DTNA: variants seen among roughly 807,000 people sequenced by gnomAD.
DTNA encodes the protein dystrobrevin alpha.
A neutral mutation model predicts 100.7 loss-of-function variants in DTNA; 43 were observed. The ratio of observed to expected loss-of-function variants is 0.43; its 90% CI spans 0.33 to 0.55. The LOEUF is 0.55. Among genes scored for constraint, DTNA ranks in the 20% least tolerant of loss-of-function variants. DTNA has a pLI of 0.04. For synonymous variants in DTNA, 349 were observed against 347.9 expected (o/e 1.00, Z -0.04); for missense variants, 798 against 953.9 (o/e 0.84, Z 2.15).
At chr18:34,838,953 T>G (rs2096212617) in intron 13 of DTNA, 116 bp downstream of exon 13, 2 of 815,934 alleles carry the variant, frequency 2.5e-6, no homozygotes, top group East Asian at 2.6e-5. Flanking sequence ...ACTGAAGCAC[T>G]GTTAACTGGT....
chr18:34,871,555 T>A (rs1340854573), intron 17 of DTNA, among the ~76,000 whole-genome samples: 1 of 152,218 alleles, frequency 6.6e-6, no homozygotes, highest in Non-Finnish European at 1.5e-5. Context: ...GATTATTCAC[T>A]CTAACTCTTC....
chr18:34,620,062 G>A (rs535743483), intron 1 of DTNA, among the ~76,000 whole-genome samples: 1 of 152,258 alleles, frequency 6.6e-6, no homozygotes, highest in East Asian at 1.9e-4. Flanking sequence ...GGTATTATAC[G>A]AAACAAACAA....
At chr18:34,829,603 G>A (rs2095951543) in intron 11 of DTNA, 114 bp downstream of exon 11, 4 of 1,095,628 alleles carry the variant, frequency 3.7e-6, no homozygotes, top group South Asian at 4.3e-5. Flanking sequence ...TGGAGATAGA[G>A]GTCTTCTGGG....
intron 1 of DTNA, among the ~76,000 whole-genome samples, chr18:34,543,700 G>A (rs763156568): frequency 1.3e-5 from 2 of 152,098 alleles, no homozygotes; most frequent in African/African-American, 4.8e-5. Flanking sequence ...TTCAGTCAGT[G>A]TACTGGGTTT....
intron 13 of DTNA, among the ~76,000 whole-genome samples, chr18:34,839,806 T>G (rs2096234379): frequency 6.6e-6 from 1 of 152,192 alleles, no homozygotes; most frequent in Non-Finnish European, 1.5e-5. Context: ...TTTCCTCTAC[T>G]ATTAGAGGAA....
At chr18:34,577,645 C>T (rs1050567936) in intron 1 of DTNA, among the ~76,000 whole-genome samples, 5 of 152,148 alleles carry the variant, frequency 3.3e-5, no homozygotes, top group Non-Finnish European at 5.9e-5. Context: ...GCCTTTGCAT[C>T]CTCATAGCTT....
chr18:34,679,220 C>A (rs920015078), intron 1 of DTNA, among the ~76,000 whole-genome samples: 3 of 152,182 alleles, frequency 2.0e-5, no homozygotes, highest in Non-Finnish European at 4.4e-5. Flanking sequence ...CTTGGATGAT[C>A]ACTTAATCCC....
rs1327464510 is a variant in DTNA at position 34,749,634 on chromosome 18, C to A, written c.-1-6342C>A. The stretch of plus-strand genomic sequence containing the variant: ...ACTAAAGTAGTGAGCTCATGCACCT[C>A]TCTCCAAAAAATAATAATAATAATA... On this transcript the variant is annotated intron_variant, in intron 1 of 22. Transcript: ENST00000444659. Among the ~76,000 whole-genome samples, 9 of 99,710 alleles carry A rather than the reference C, an allele frequency of 9.0e-5. No homozygotes were observed. In the South Asian group the frequency reaches 2.8e-3, roughly 31 times the overall value. The allele number at this position is 99,710 out of a possible 152,430, so 65.4% of individuals were successfully genotyped here. A position where few individuals can be genotyped will look rare whatever the true frequency, so the allele number is the denominator to read the frequency against.
chr18:34,512,684 G>C (rs1442471746), intron 1 of DTNA, among the ~76,000 whole-genome samples: 1 of 152,002 alleles, frequency 6.6e-6, no homozygotes, highest in Non-Finnish European at 1.5e-5. Context: ...AGGTATATGT[G>C]AGAATTACAT....
At chr18:34,533,448 C>T (rs2043358479) in intron 1 of DTNA, among the ~76,000 whole-genome samples, 1 of 151,390 alleles carries the variant, frequency 6.6e-6, no homozygotes, top group African/African-American at 2.4e-5. Context: ...CTGATGTCTT[C>T]TACACTGGTT....
intron 1 of DTNA, among the ~76,000 whole-genome samples, chr18:34,718,789 G>A (rs72953246): frequency 0.089 from 13,584 of 152,204 alleles, 630 homozygotes; most frequent in South Asian, 0.11. Flanking sequence ...CAGAGTGAGT[G>A]AGGAAAGAAT....
chr18:34,513,574 C>T (rs1379921841), intron 1 of DTNA: 1 of 152,080 alleles, frequency 6.6e-6, no homozygotes, highest in African/African-American at 2.4e-5. Context: ...CAATGTGAGA[C>T]TGGAGGAAGA....
intron 1 of DTNA, among the ~76,000 whole-genome samples, chr18:34,692,921 G>T (rs571450919): frequency 1.3e-5 from 2 of 151,818 alleles, no homozygotes; most frequent in African/African-American, 2.4e-5. Flanking sequence ...AATTATAAAC[G>T]AATTTCTTTA....
At chr18:34,553,951 C>G (rs2146012191) in intron 1 of DTNA, among the ~76,000 whole-genome samples, 2 of 149,636 alleles carry the variant, frequency 1.3e-5, no homozygotes, top group South Asian at 4.2e-4. Context: ...GGCATTGAAT[C>G]TGTAAATTAC....
chr18:34,742,904 C>T (rs1397012153), intron 1 of DTNA, among the ~76,000 whole-genome samples: 1 of 152,090 alleles, frequency 6.6e-6, no homozygotes, highest in African/African-American at 2.4e-5. Flanking sequence ...CCCAGGCATT[C>T]ATGCCTCTGC....
intron 17 of DTNA, chr18:34,867,088 A>G (rs1026960953): frequency 2.2e-5 from 27 of 1,230,926 alleles, no homozygotes; most frequent in Non-Finnish European, 2.7e-5. Flanking sequence ...AATATATCCC[A>G]CTCACTAGCA....
chr18:34,859,480 A>G (rs2096592074), intron 16 of DTNA, among the ~76,000 whole-genome samples: 1 of 152,226 alleles, frequency 6.6e-6, no homozygotes, highest in South Asian at 2.1e-4. Flanking sequence ...GCCCAGGACC[A>G]CTCTGATTGC....
intron 11 of DTNA, among the ~76,000 whole-genome samples, chr18:34,829,768 G>A (rs1235406981): frequency 1.3e-5 from 2 of 152,196 alleles, no homozygotes; most frequent in Non-Finnish European, 2.9e-5. Context: ...GTTTGGACAA[G>A]TCTCTGCTTT....
At chr18:34,839,662 T>C (rs1029143802) in intron 13 of DTNA, among the ~76,000 whole-genome samples, 2 of 152,202 alleles carry the variant, frequency 1.3e-5, no homozygotes, top group Admixed American at 6.5e-5. Flanking sequence ...CTTGAAAATA[T>C]GTCAATTTTT....
Sources: allele counts gnomAD v4.1 joint callset (sites outside exome capture counted in the v4.1 genomes callset), GRCh38; gene constraint gnomAD v4.1.1; transcripts MANE v1.5; gene names NCBI Gene and HGNC (gene_info 2026-07-23, HGNC 2026-07-21).